Variants in SAG observed in about 807,000 individuals in gnomAD.
SAG encodes the protein S-antigen visual arrestin.
In SAG, 45 loss-of-function variants were observed where a neutral mutation model predicts 55.0. The ratio of observed to expected loss-of-function variants is 0.82; its 90% CI spans 0.64 to 1.05. The LOEUF is 1.05. Among genes scored for constraint, SAG ranks in the 50% least tolerant of loss-of-function variants. The pLI is 0.00. For synonymous variants in SAG, 189 were observed against 197.4 expected (o/e 0.96, Z 0.36); for missense variants, 455 against 512.1 (o/e 0.89, Z 1.08).
intron 9 of SAG, among the ~76,000 whole-genome samples, chr2:233,330,043 G>A (rs1317687378): frequency 2.0e-5 from 3 of 152,270 alleles, no homozygotes; most frequent in Middle Eastern, 3.4e-3. Context: ...TGACTGTCTC[G>A]GCTCAAATGG....
At chr2:233,344,082 T>C (rs1184725845) in intron 14 of SAG, 1 of 152,792 alleles carries the variant, frequency 6.5e-6, no homozygotes, top group Non-Finnish European at 1.5e-5. Context: ...GCTTTCTGGT[T>C]CCTTTCAAGG....
At chr2:233,318,339 T>G (rs933623887) in intron 3 of SAG, among the ~76,000 whole-genome samples, 7 of 151,844 alleles carry the variant, frequency 4.6e-5, no homozygotes, top group East Asian at 1.9e-4. Flanking sequence ...TAATTTTTTT[T>G]TTTTGTTTTT....
At position 233,334,944 on chromosome 2, in the gene SAG, C is replaced by T; in HGVS notation, c.807-18C>T. 6.2e-7 allele frequency: 1 copy of T among 1,613,776 alleles called. No homozygotes were observed. The highest frequency in any genetic ancestry group is 8.5e-7 in the Non-Finnish European group (1 of 1,179,698). On this transcript the variant is annotated intron_variant, in intron 10 of 15. Transcript: ENST00000409110. The stretch of plus-strand genomic sequence containing the variant: ...CAGCTTTGATGGTTATAAATCTCCT[C>T]TGTTCTTCTTCCTCTAGAGAAAAAG...
At chr2:233,320,550 G>A (rs1255009867) in intron 4 of SAG, 80 bp from the exon 5 acceptor site, 9 of 1,142,632 alleles carry the variant, frequency 7.9e-6, no homozygotes, top group South Asian at 1.5e-5. Context: ...TTGAAAACCC[G>A]TGTTCGCTGC....
At chr2:233,335,790 G>C (rs1425224651) in intron 11 of SAG, among the ~76,000 whole-genome samples, 1 of 152,228 alleles carries the variant, frequency 6.6e-6, no homozygotes, top group Non-Finnish European at 1.5e-5. Context: ...TCCAAGCCAC[G>C]CTTTTGCGCT....
At chr2:233,313,715 CTTTTTTTTT>C (rs58355307) in intron 2 of SAG, among the ~76,000 whole-genome samples, 1 of 78,950 alleles carries the variant, frequency 1.3e-5, no homozygotes, top group Admixed American at 1.5e-4. Flanking sequence ...CCGGGCTAAT[CTTTTTTTTT>C]TTTTTTTTTT....
rs756466617 is a variant in SAG at position 233,346,932 on chromosome 2, C to T, written c.*20C>T. 3.2e-5 allele frequency: 46 copies of T among 1,446,268 alleles called. No homozygotes were observed. Among genetic ancestry groups the T allele is most frequent in the Admixed American group, 1.4e-4 (8 of 57,014 alleles). 89.6% of individuals were successfully genotyped at this position (1,446,268 alleles called of 1,614,324 possible). A position where few individuals can be genotyped will look rare whatever the true frequency, so the allele number is the denominator to read the frequency against. The stretch of plus-strand genomic sequence containing the variant: ...GAGTGAAGATGTCGGCTCAGGATGC[C>T]GGAAAATGACCTGTAGTTACCAGTG... On this transcript the variant is annotated 3_prime_UTR_variant, in exon 16 of 16. Coordinates refer to ENST00000409110, the MANE Select transcript of SAG (RefSeq NM_000541.5).
chr2:233,328,211 AGCCTAAGGGGCTAAGCTTG>A, intron 7 of SAG: 1 of 379,462 alleles, frequency 2.6e-6, no homozygotes, highest in Non-Finnish European at 4.8e-6. Flanking sequence ...GAATCCACGG[AGCCTAAGGGGCTAAGCTTG>A]GCCCTCGGGA....
chr2:233,329,183 G>A, intron 8 of SAG: 1 of 381,798 alleles, frequency 2.6e-6, no homozygotes, highest in Non-Finnish European at 4.9e-6. Context: ...GCTCTGCTGG[G>A]TGGGATGCCA....
At chr2:233,313,154 C>G (rs572085814) in intron 2 of SAG, among the ~76,000 whole-genome samples, 1 of 152,308 alleles carries the variant, frequency 6.6e-6, no homozygotes, top group South Asian at 2.1e-4. Context: ...GCTCCCGGGG[C>G]ACCAAAAGCC....
rs1700654226 is a variant in SAG, at chr2:233,328,766, C to T, written c.648+153C>T. 5.1e-6 allele frequency: 4 copies of T among 785,624 alleles called. No homozygotes were observed. The East Asian group carries it at 1.1e-4, about 22-fold the overall frequency. The allele number at this position is 785,624 out of a possible 1,614,324, so 48.7% of individuals were successfully genotyped here. A position where few individuals can be genotyped will look rare whatever the true frequency, so the allele number is the denominator to read the frequency against. ...AGCACCAACATGCGTAAGTGACTGG[C>T]CTGTTTTCACAGCCTGGAGCTGGTC... On this transcript the variant is annotated intron_variant, in intron 8 of 15. Coordinates refer to ENST00000409110, the MANE Select transcript of SAG (RefSeq NM_000541.5).
intron 6 of SAG, among the ~76,000 whole-genome samples, chr2:233,326,396 C>G (rs1004632344): frequency 6.6e-6 from 1 of 152,008 alleles, no homozygotes. Context: ...ACCAGCCTGG[C>G]CAACCTAGTG....
At position 233,309,208 on chromosome 2, in the gene SAG, A is replaced by T; in HGVS notation, c.19A>T (p.Thr7Ser). 3.7e-6 allele frequency: 6 copies of T among 1,613,830 alleles called. No homozygotes were observed. Among genetic ancestry groups the T allele is most frequent in the Non-Finnish European group, 5.1e-6 (6 of 1,179,780 alleles). Residue 7 changes from threonine (T) to serine (S), a missense_variant, in exon 2 of 16, where the codon ACC becomes TCC. Transcript: ENST00000409110. The stretch of plus-strand genomic sequence containing the variant: ...AGATAACATGGCAGCCAGCGGGAAG[A>T]CCAGCAAGTCCGAACCGAACCATGT... MAASGK[T>S]SKSEPNHVIF... is the part of the protein sequence containing the mutation.
chr2:233,341,310 A>G (rs1701095484), intron 13 of SAG, among the ~76,000 whole-genome samples: 1 of 152,194 alleles, frequency 6.6e-6, no homozygotes, highest in South Asian at 2.1e-4. Flanking sequence ...TGCCCGACTA[A>G]GAGCTGAGAT....
In SAG at chr2:233,327,168, C is replaced by G; in HGVS notation, c.483C>G (p.Thr161=). 1 of 1,613,742 alleles carries G rather than the reference C, an allele frequency of 6.2e-7. No homozygotes were observed. Among genetic ancestry groups the G allele is most frequent in the African/African-American group, 1.3e-5 (1 of 74,974 alleles). The change falls in exon 7 of 16, where the codon ACC becomes ACG. Residue 161 remains threonine (T), a synonymous_variant. Coordinates refer to ENST00000409110, the MANE Select transcript of SAG (RefSeq NM_000541.5). ...TCAAAGCATTCGCCACAGACAGCAC[C>G]GATGCCGAAGAGGACAAAATCCCCA... ...FEVKAFATDS[T]DAEEDKIPKK...
chr2:233,315,829 A>G (rs1351693626), intron 2 of SAG, among the ~76,000 whole-genome samples: 1 of 151,050 alleles, frequency 6.6e-6, no homozygotes, highest in Non-Finnish European at 1.5e-5. Flanking sequence ...CAGCCTCTTG[A>G]GTAGCTGGGA....
intron 8 of SAG, chr2:233,329,093 G>A (rs1388290384): frequency 1.3e-5 from 3 of 239,092 alleles, no homozygotes; most frequent in Non-Finnish European, 2.4e-5. Context: ...GGCTGGCTCT[G>A]GTTCCTCTGG....
In SAG at chr2:233,319,863, A is replaced by G; in HGVS notation, c.182-767A>G. On this transcript the variant is annotated intron_variant, in intron 4 of 15. Coordinates refer to ENST00000409110, the MANE Select transcript of SAG (RefSeq NM_000541.5). This position sits in a 1 kb window ranked among gnomAD's most constrained non-coding sequence, Gnocchi z 4.4. ...TCTGAGTCAGCAGCGAAGGGCAGTT[A>G]CCTTTGGGGCTTGCAGGCAAAATTC... 1 of 985,704 alleles carries G rather than the reference A, an allele frequency of 1.0e-6. No individual in the cohort carries two copies. Among genetic ancestry groups the G allele is most frequent in the African/African-American group, 1.7e-5 (1 of 57,350 alleles). The allele number at this position is 985,704 out of a possible 1,614,324, so 61.1% of individuals were successfully genotyped here.
intron 6 of SAG, among the ~76,000 whole-genome samples, chr2:233,326,443 GGCAT>G (rs1700558788): frequency 6.6e-6 from 1 of 151,970 alleles, no homozygotes; most frequent in Non-Finnish European, 1.5e-5. Flanking sequence ...AAATCAGCCG[GGCAT>G]GGTGGTGCAC....
Sources: allele counts gnomAD v4.1 joint callset (sites outside exome capture counted in the v4.1 genomes callset), GRCh38; gene constraint gnomAD v4.1.1; non-coding constraint Gnocchi (gnomAD v3.1); transcripts MANE v1.5; gene names NCBI Gene and HGNC (gene_info 2026-07-23, HGNC 2026-07-21).